Variants in GPR158 observed in about 807,000 individuals in gnomAD.
The protein encoded by GPR158 is metabotropic glycine receptor.
A neutral mutation model predicts 78.2 loss-of-function variants in GPR158; 30 were observed. That is an observed-to-expected ratio of 0.38 (90% CI 0.29 to 0.52). GPR158 has a LOEUF of 0.52. Ranked by LOEUF, GPR158 falls within the 20% of genes least tolerant of loss-of-function variation. GPR158 has a pLI of 0.83. For synonymous variants in GPR158, 581 were observed against 591.1 expected, an observed-to-expected ratio of 0.98 and a Z score of 0.25; for missense variants, 1,463 against 1,523.5, an observed-to-expected ratio of 0.96 and a Z score of 0.66.
chr10:25,586,384 T>C (rs1355715244), intron 7 of GPR158, among the ~76,000 whole-genome samples: 1 of 146,092 alleles, frequency 6.8e-6, no homozygotes, highest in East Asian at 2.1e-4. Flanking sequence ...TAAGTAGGTA[T>C]GTGTGAATTT....
chr10:25,425,658 A>G (rs1019060034), intron 4 of GPR158, among the ~76,000 whole-genome samples: 2 of 152,110 alleles, frequency 1.3e-5, no homozygotes, highest in Non-Finnish European at 2.9e-5. Flanking sequence ...CTGACGAAAG[A>G]CTAATACCCA....
intron 8 of GPR158, among the ~76,000 whole-genome samples, chr10:25,591,261 A>AGCAT (rs1351059492): frequency 6.6e-6 from 1 of 152,172 alleles, no homozygotes; most frequent in East Asian, 1.9e-4. Context: ...TTATTTAACC[A>AGCAT]GCATTTTGCA....
intron 2 of GPR158, among the ~76,000 whole-genome samples, chr10:25,241,153 C>CTTTCTTTA (rs1853602836): frequency 8.5e-6 from 1 of 118,122 alleles, no homozygotes; most frequent in Non-Finnish European, 1.7e-5. Flanking sequence ...TTCTTTCTTT[C>CTTTCTTTA]TTTCTTTCTT....
intron 2 of GPR158, among the ~76,000 whole-genome samples, chr10:25,319,019 A>T (rs1031603922): frequency 6.6e-6 from 1 of 152,152 alleles, no homozygotes; most frequent in African/African-American, 2.4e-5. Flanking sequence ...TGTAGGACTA[A>T]ATTGTTTGGT....
intron 4 of GPR158, among the ~76,000 whole-genome samples, chr10:25,460,803 G>C (rs1427205145): frequency 6.6e-6 from 1 of 152,104 alleles, no homozygotes; most frequent in Non-Finnish European, 1.5e-5. Context: ...AAGGTTTGTG[G>C]CAACTCTACA....
At chr10:25,247,405 G>C (rs1421531772) in intron 2 of GPR158, among the ~76,000 whole-genome samples, 1 of 139,918 alleles carries the variant, frequency 7.1e-6, no homozygotes, top group African/African-American at 2.7e-5. Context: ...ATGCTGGTGC[G>C]CTGCACCCAC....
intron 2 of GPR158, among the ~76,000 whole-genome samples, chr10:25,285,426 T>C (rs1307191430): frequency 6.6e-6 from 1 of 152,046 alleles, no homozygotes; most frequent in African/African-American, 2.4e-5. Flanking sequence ...CCCTGGGATG[T>C]TGGTAGCATG....
At chr10:25,326,934 T>C (rs2130486476) in intron 2 of GPR158, among the ~76,000 whole-genome samples, 1 of 152,292 alleles carries the variant, frequency 6.6e-6, no homozygotes, top group East Asian at 1.9e-4. Flanking sequence ...TTCAGTAAAC[T>C]CTTCATCTTA....
intron 6 of GPR158, among the ~76,000 whole-genome samples, chr10:25,555,169 T>C (rs990267944): frequency 1.3e-5 from 2 of 152,150 alleles, no homozygotes; most frequent in African/African-American, 4.8e-5. Flanking sequence ...GCCTCCAGCT[T>C]TGTTCTTTTG....
At chr10:25,525,969 G>T (rs1475800221) in intron 5 of GPR158, among the ~76,000 whole-genome samples, 1 of 151,860 alleles carries the variant, frequency 6.6e-6, no homozygotes, top group Non-Finnish European at 1.5e-5. Context: ...AGCCAGATGT[G>T]GTGGCATGTG....
chr10:25,444,427 G>A lies in GPR158; in HGVS notation c.1336-22224G>A, dbSNP rs571946506. 2.6e-5 allele frequency among the ~76,000 whole-genome samples: 4 copies of A among 151,770 alleles called. 1 individual carries two copies. Among genetic ancestry groups the A allele is most frequent in the African/African-American group, 9.7e-5 (4 of 41,368 alleles). On this transcript the variant is annotated intron_variant, in intron 4 of 10. Transcript: ENST00000376351. ...TATGTGGGTGAGTGTGAGTGTATGT[G>A]TGTGTATGTGGTGTTTGAGTGTGAG...
intron 2 of GPR158, among the ~76,000 whole-genome samples, chr10:25,316,329 T>G (rs1854847834): frequency 1.3e-5 from 2 of 152,234 alleles, no homozygotes; most frequent in South Asian, 4.1e-4. Flanking sequence ...AATATTTTCA[T>G]GGAGTTCCTA....
At chr10:25,474,099 C>A (rs370424318) in intron 5 of GPR158, among the ~76,000 whole-genome samples, 1 of 151,968 alleles carries the variant, frequency 6.6e-6, no homozygotes, top group South Asian at 2.1e-4. Context: ...GCTGGCATTG[C>A]CAACTTTGAA....
At chr10:25,203,115 G>A (rs1050037596) in intron 1 of GPR158, among the ~76,000 whole-genome samples, 6 of 151,974 alleles carry the variant, frequency 3.9e-5, no homozygotes, top group African/African-American at 1.5e-4. Flanking sequence ...TTTTTTTCTT[G>A]CAAATTTGTT....
chr10:25,564,859 T>A (rs1459001634), intron 6 of GPR158, among the ~76,000 whole-genome samples: 1 of 152,200 alleles, frequency 6.6e-6, no homozygotes, highest in Non-Finnish European at 1.5e-5. Flanking sequence ...CTTGCTAGTG[T>A]GTTGATTGCT....
intron 2 of GPR158, among the ~76,000 whole-genome samples, chr10:25,231,490 C>T (rs574273813): frequency 1.3e-5 from 2 of 152,268 alleles, no homozygotes; most frequent in East Asian, 3.9e-4. Context: ...TGCTTTTATA[C>T]AATCTATGTC....
intron 4 of GPR158, among the ~76,000 whole-genome samples, chr10:25,422,461 C>T (rs1172349459): frequency 6.6e-6 from 1 of 152,050 alleles, no homozygotes; most frequent in Admixed American, 6.6e-5. Flanking sequence ...ACCATCACCC[C>T]CACACACACC....
At chr10:25,212,272 G>A (rs1335344637) in intron 1 of GPR158, among the ~76,000 whole-genome samples, 1 of 152,170 alleles carries the variant, frequency 6.6e-6, no homozygotes, top group African/African-American at 2.4e-5. Context: ...GCTTCAGGGA[G>A]CTTTTACTCA....
chr10:25,289,476 A>C (rs1421045725), intron 2 of GPR158, among the ~76,000 whole-genome samples: 2 of 152,122 alleles, frequency 1.3e-5, no homozygotes, highest in African/African-American at 2.4e-5. Flanking sequence ...TCTGTCACCC[A>C]GGCTGGAGTG....
Sources: gnomAD v4.1 joint callset for allele counts (sites outside exome capture counted in the v4.1 genomes callset) on GRCh38, gnomAD v4.1.1 for gene constraint, MANE v1.5 for transcripts, NCBI Gene and HGNC (gene_info 2026-07-23, HGNC 2026-07-21) for gene names.